CRISPLD2: variants seen among roughly 807,000 people sequenced by gnomAD.
CRISPLD2 encodes the protein cysteine-rich secretory protein LCCL domain-containing 2.
CRISPLD2 carries 47 observed loss-of-function variants against 71.1 expected under a neutral mutation model. The ratio of observed to expected loss-of-function variants is 0.66; its 90% confidence interval spans 0.52 to 0.84. CRISPLD2 has a LOEUF of 0.84. Among genes scored for constraint, CRISPLD2 ranks in the 40% least tolerant of loss-of-function variants. The pLI is 0.00. For missense variants in CRISPLD2, 830 were observed against 651.1 expected, an observed-to-expected ratio of 1.27 and a Z score of -2.99; for synonymous variants, 317 against 250.1, an observed-to-expected ratio of 1.27 and a Z score of -2.52.
chr16:84,879,483 G>C (rs9934176), intron 12 of CRISPLD2, among the ~76,000 whole-genome samples: 3,158 of 151,758 alleles, frequency 0.021, 108 homozygotes, highest in African/African-American at 0.073. Context: ...CTGCCTCAGC[G>C]TCCCGCGTAG....
chr16:84,845,695 A>C (rs961012348), intron 2 of CRISPLD2, 91 bp from the exon 3 acceptor site: 2 of 861,004 alleles, frequency 2.3e-6, no homozygotes, highest in Non-Finnish European at 3.7e-6. Context: ...TAGGCTCCAC[A>C]GGAGCCCAGG....
At chr16:84,826,803 A>G (rs1330222976) in intron 1 of CRISPLD2, among the ~76,000 whole-genome samples, 1 of 151,782 alleles carries the variant, frequency 6.6e-6, no homozygotes, top group Non-Finnish European at 1.5e-5. Flanking sequence ...CTGGGGCCTG[A>G]CACATCGCAG....
At chr16:84,882,813 A>G (rs2143323873) in intron 13 of CRISPLD2, among the ~76,000 whole-genome samples, 1 of 152,356 alleles carries the variant, frequency 6.6e-6, no homozygotes, top group Admixed American at 6.5e-5. Context: ...CAAGGCTCAT[A>G]GTAACCTGTC....
intron 14 of CRISPLD2, among the ~76,000 whole-genome samples, chr16:84,897,230 G>A (rs1356678341): frequency 2.0e-5 from 3 of 151,500 alleles, no homozygotes; most frequent in Admixed American, 6.6e-5. Flanking sequence ...GATCACATGA[G>A]GCCAGGAGTT....
intron 5 of CRISPLD2, among the ~76,000 whole-genome samples, chr16:84,854,023 G>C (rs1597459918): frequency 2.0e-5 from 3 of 152,176 alleles, no homozygotes; most frequent in African/African-American, 4.8e-5. Flanking sequence ...TCCTGCCCCT[G>C]GGAACTCCGG....
intron 6 of CRISPLD2, 28 bp from the exon 7 acceptor site, chr16:84,866,869 T>C (rs1041973448): frequency 6.3e-7 from 1 of 1,589,150 alleles, no homozygotes; most frequent in African/African-American, 1.3e-5. Flanking sequence ...CAGTGTGTTA[T>C]TTTTTTTCCT....
intron 9 of CRISPLD2, 49 bp from the exon 10 acceptor site, chr16:84,872,943 T>C: frequency 6.4e-7 from 1 of 1,558,934 alleles, no homozygotes; most frequent in Non-Finnish European, 8.7e-7. Context: ...TGAAACTTGC[T>C]GACAGAGGTT....
chr16:84,849,318 C>T, intron 3 of CRISPLD2, 67 bp from the exon 4 acceptor site: 2 of 1,480,030 alleles, frequency 1.4e-6, no homozygotes, highest in African/African-American at 1.4e-5. Context: ...CTGCCCGTGG[C>T]TGCTGCTGTC....
At position 84,862,381 on chromosome 16, in the gene CRISPLD2, G is replaced by T. The variant is rs373046792; in HGVS notation, c.710-4516G>T. 6.6e-5 allele frequency among the ~76,000 whole-genome samples: 10 copies of T among 151,994 alleles called. No individual in the cohort carries two copies. In the South Asian group the frequency reaches 2.1e-3, roughly 32 times the overall value. On this transcript the variant is annotated intron_variant, in intron 6 of 14. Coordinates refer to ENST00000262424, the MANE Select transcript of CRISPLD2 (RefSeq NM_031476.4). ...CCATGGTTAATTTTAAAAATTTTTTGTAGAGACGGGATCTCACTATATTGC... is the reference window on the plus strand; with the variant it reads ...CCATGGTTAATTTTAAAAATTTTTTTTAGAGACGGGATCTCACTATATTGC...
At chr16:84,838,818 G>A (rs1267373000) in intron 2 of CRISPLD2, 83 bp downstream of exon 2, 2 of 1,523,112 alleles carry the variant, frequency 1.3e-6, no homozygotes, top group Non-Finnish European at 1.8e-6. Flanking sequence ...AGCCAGCTCT[G>A]TTCCCCAGCC....
intron 1 of CRISPLD2, among the ~76,000 whole-genome samples, chr16:84,823,192 G>T (rs748104119): frequency 1.3e-5 from 2 of 152,192 alleles, no homozygotes; most frequent in Non-Finnish European, 2.9e-5. Flanking sequence ...TGAGACCTTC[G>T]TTCCTTTTTT....
In CRISPLD2 at chr16:84,899,332, G is replaced by C. The variant is rs547477425; in HGVS notation, c.1440-7256G>C. ...ATTTATACTCCTTCAGGCATGTATG[G>C]GAGTTACAAGCTAATCCAAAAAGAG... On this transcript the variant is annotated intron_variant, in intron 14 of 14. Coordinates refer to ENST00000262424, the MANE Select transcript of CRISPLD2 (RefSeq NM_031476.4). Among the ~76,000 whole-genome samples the C allele has an allele frequency of 4.0e-5, 6 of 151,866 alleles. No homozygotes were observed. The South Asian group carries it at 1.3e-3, about 32-fold the overall frequency.
At chr16:84,898,184 C>T (rs772121898) in intron 14 of CRISPLD2, among the ~76,000 whole-genome samples, 1 of 152,208 alleles carries the variant, frequency 6.6e-6, no homozygotes, top group East Asian at 1.9e-4. Flanking sequence ...AGGTGACTTC[C>T]TCTTACCAGA....
At chr16:84,878,963 G>A (rs2071544733) in intron 12 of CRISPLD2, among the ~76,000 whole-genome samples, 1 of 152,216 alleles carries the variant, frequency 6.6e-6, no homozygotes, top group African/African-American at 2.4e-5. Context: ...AGGCTGGGTG[G>A]TGTGGCCCTC....
At position 84,883,647 on chromosome 16, in the gene CRISPLD2, A is replaced by G. The variant is rs1369733147; in HGVS notation, c.1305+3063A>G. Among the ~76,000 whole-genome samples, 8 of 152,316 alleles carry G rather than the reference A, an allele frequency of 5.3e-5. 1 individual carries two copies. The highest frequency in any genetic ancestry group is 6.8e-3 in the Middle Eastern group (2 of 294). ...GGCTGGGTGGATCCAGAGAATCTGC[A>G]TTCCAACAAGTTCCCAGGTGAACCT... On this transcript the variant is annotated intron_variant, in intron 13 of 14. Coordinates refer to ENST00000262424, the MANE Select transcript of CRISPLD2 (RefSeq NM_031476.4).
At chr16:84,854,021 C>T (rs1358780606) in intron 5 of CRISPLD2, among the ~76,000 whole-genome samples, 1 of 152,198 alleles carries the variant, frequency 6.6e-6, no homozygotes, top group African/African-American at 2.4e-5. Context: ...TTTCCTGCCC[C>T]TGGGAACTCC....
At chr16:84,852,350 C>G (rs973143067) in intron 5 of CRISPLD2, among the ~76,000 whole-genome samples, 3 of 32,476 alleles carry the variant, frequency 9.2e-5, no homozygotes, top group African/African-American at 1.6e-4. Context: ...CCCAGAGGCT[C>G]TCTCGTGCCC....
chr16:84,840,219 G>A (rs972593094), intron 2 of CRISPLD2, among the ~76,000 whole-genome samples: 1 of 152,156 alleles, frequency 6.6e-6, no homozygotes, highest in East Asian at 1.9e-4. Flanking sequence ...GTGATGACCC[G>A]TGTCTCCCCC....
At chr16:84,883,801 G>A (rs1311152632) in intron 13 of CRISPLD2, among the ~76,000 whole-genome samples, 2 of 151,640 alleles carry the variant, frequency 1.3e-5, no homozygotes, top group Non-Finnish European at 2.9e-5. Context: ...TACTGAGCAT[G>A]TGCTGTGTGC....
Sources: allele counts gnomAD v4.1 joint callset (sites outside exome capture counted in the v4.1 genomes callset), GRCh38; gene constraint gnomAD v4.1.1; transcripts MANE v1.5; gene names NCBI Gene and HGNC (gene_info 2026-07-23, HGNC 2026-07-21).